SRRM2: variants seen among roughly 807,000 people sequenced by gnomAD.
SRRM2 encodes the protein serine/arginine repetitive matrix 2.
SRRM2 carries 30 observed loss-of-function variants against 213.8 expected under a neutral mutation model. The ratio of observed to expected loss-of-function variants is 0.14; its 90% confidence interval spans 0.10 to 0.19. The LOEUF is 0.19. Ranked by LOEUF, SRRM2 falls within the 10% of genes least tolerant of loss-of-function variation. SRRM2 has a pLI of 1.00. For synonymous variants in SRRM2, 2,025 were observed against 1,377.7 expected (o/e 1.47, Z -10.40); for missense variants, 4,904 against 3,647.0 (o/e 1.34, Z -8.88).
In SRRM2 at chr16:2,761,957, C is replaced by A. The variant is rs911450633; in HGVS notation, c.1429C>A (p.Pro477Thr). Residue 477 changes from proline to threonine, a missense_variant, in exon 11 of 15, where the codon CCC becomes ACC. Coordinates refer to ENST00000301740, the MANE Select transcript of SRRM2 (RefSeq NM_016333.4). Reference sequence around the variant, plus strand: ...ACGGGATAAATCACATTCTCATACCCCCTCCCGTAGGATGGGGAGGTCCCG... The same window carrying A: ...ACGGGATAAATCACATTCTCATACCACCTCCCGTAGGATGGGGAGGTCCCG... ...AKRDKSHSHT[P>T]SRRMGRSRSP... 1.9e-6 allele frequency: 3 copies of A among 1,613,984 alleles called. No individual in the cohort carries two copies. Among genetic ancestry groups the A allele is most frequent in the Admixed American group, 3.3e-5 (2 of 60,008 alleles).
chr16:2,766,842 C>T lies in SRRM2; in HGVS notation c.6314C>T (p.Pro2105Leu), dbSNP rs1187763612. 2 of 1,614,204 alleles carry T rather than the reference C, an allele frequency of 1.2e-6. No individual in the cohort carries two copies. The highest frequency in any genetic ancestry group is 1.7e-5 in the Admixed American group (1 of 60,020). The change falls in exon 11 of 15, where the codon CCT (proline) becomes CTT (leucine). Residue 2105 changes from proline to leucine, a missense_variant. Pro to Leu is a moderately conservative substitution (Grantham distance 98). Transcript: ENST00000301740. The surrounding 1 kb of genome is among the most constrained non-coding windows in gnomAD (Gnocchi z 7.0). ...AGAAATCATTCTGGTTCACGGACAC[C>T]TCCAGTAGCACTCAACAGTTCCAGA... ...ATRNHSGSRT[P>L]PVALNSSRMS... is the part of the protein sequence containing the mutation.
Position 2,765,742 on chromosome 16 carries a change from A to G in SRRM2, c.5214A>G (p.Lys1738=), listed in dbSNP as rs2150778154. Residue 1738 remains lysine, a synonymous_variant, in exon 11 of 15, where the codon AAA becomes AAG. Coordinates refer to ENST00000301740, the MANE Select transcript of SRRM2 (RefSeq NM_016333.4). ...PSVSSPEPAE[K]SRSSRRRRSA... is the part of the protein sequence containing the mutation. ...TGTCTTCCCCGGAGCCAGCCGAAAA[A>G]TCGAGGTCTTCACGCCGACGGCGCT... 6.2e-7 allele frequency: 1 copy of G among 1,614,076 alleles called. No individual in the cohort carries two copies. The highest frequency in any genetic ancestry group is 1.6e-4 in the Middle Eastern group (1 of 6,062).
chr16:2,765,661 A>G lies in SRRM2; in HGVS notation c.5133A>G (p.Ser1711=). Residue 1711 remains serine (S), a synonymous_variant, in exon 11 of 15, where the codon TCA becomes TCG. Coordinates refer to ENST00000301740, the MANE Select transcript of SRRM2 (RefSeq NM_016333.4). The part of the protein sequence containing the change: ...ARLSRRSRSA[S]SSPETRSRTP... The stretch of plus-strand genomic sequence containing the variant: ...TGTCCCGTAGAAGCCGCTCTGCCTC[A>G]TCCTCACCAGAAACTCGCTCTAGAA... 6.2e-7 allele frequency: 1 copy of G among 1,614,098 alleles called. No individual in the cohort carries two copies.
At chr16:2,757,650 C>T in intron 3 of SRRM2, 71 bp downstream of exon 3, 2 of 1,582,708 alleles carry the variant, frequency 1.3e-6, no homozygotes, top group African/African-American at 1.4e-5. Flanking sequence ...CTGTCCTTTT[C>T]CTTACGTGGG....
chr16:2,768,769 T>C, intron 11 of SRRM2: 2 of 822,762 alleles, frequency 2.4e-6, no homozygotes, highest in Non-Finnish European at 4.0e-6. Flanking sequence ...ATTCTTGAGG[T>C]TTAACCTTGA....
chr16:2,764,671 C>A lies in SRRM2; in HGVS notation c.4143C>A (p.His1381Gln). The A allele has an allele frequency of 6.2e-7, 1 of 1,614,130 alleles. No individual in the cohort carries two copies. The highest frequency in any genetic ancestry group is 8.5e-7 in the Non-Finnish European group (1 of 1,180,042). The change falls in exon 11 of 15, where the codon CAC becomes CAA. Residue 1381 changes from histidine (H) to glutamine (Q), a missense_variant. Coordinates refer to ENST00000301740, the MANE Select transcript of SRRM2 (RefSeq NM_016333.4). ...AACAATCGACAAGATCCTCTGGACACAGCAGTTCTGAGTTATCCCCAGATG... is the reference window on the plus strand; with the variant it reads ...AACAATCGACAAGATCCTCTGGACAAAGCAGTTCTGAGTTATCCCCAGATG... Reference protein sequence around the residue: ...MKEQSTRSSGHSSSELSPDAV... With the variant: ...MKEQSTRSSGQSSSELSPDAV...
At position 2,763,427 on chromosome 16, in the gene SRRM2, T is replaced by C. The variant is rs769439964; in HGVS notation, c.2899T>C (p.Tyr967His). 1 of 1,614,140 alleles carries C rather than the reference T, an allele frequency of 6.2e-7. No homozygotes were observed. Among genetic ancestry groups the C allele is most frequent in the Non-Finnish European group, 8.5e-7 (1 of 1,180,014 alleles). The change falls in exon 11 of 15, where the codon TAC becomes CAC. Residue 967 changes from tyrosine (Y) to histidine (H), a missense_variant. Coordinates refer to ENST00000301740, the MANE Select transcript of SRRM2 (RefSeq NM_016333.4). ...SNVESRLLPRYSHSGSSSPDT... is the reference protein window; with the variant it reads ...SNVESRLLPRHSHSGSSSPDT... Reference sequence around the variant, plus strand: ...TGTGGAATCCAGATTGTTGCCAAGATACAGTCATTCTGGGTCCTCCTCACC... The same window carrying C: ...TGTGGAATCCAGATTGTTGCCAAGACACAGTCATTCTGGGTCCTCCTCACC...
intron 13 of SRRM2, 43 bp from the exon 14 acceptor site, chr16:2,770,561 A>C (rs1251693994): frequency 2.6e-6 from 4 of 1,550,988 alleles, no homozygotes; most frequent in South Asian, 2.4e-5. Flanking sequence ...GTGGTGCCTG[A>C]GGTGGTGCCA....
intron 4 of SRRM2, 125 bp downstream of exon 4, chr16:2,758,070 G>A (rs770840602): frequency 1.4e-5 from 18 of 1,278,884 alleles, no homozygotes; most frequent in Non-Finnish European, 1.9e-5. Context: ...TGAAGTTGAG[G>A]TGTCCAAAAA....
At chr16:2,753,638 G>C (rs147869999) in intron 1 of SRRM2, 4 of 152,300 alleles carry the variant, frequency 2.6e-5, no homozygotes, top group Non-Finnish European at 4.4e-5. Flanking sequence ...TCATATATAA[G>C]TTTTCTGGTT....
In SRRM2 at chr16:2,759,185, T is replaced by C. The variant is rs2068250750; in HGVS notation, c.689+13T>C. 6.2e-7 allele frequency: 1 copy of C among 1,614,060 alleles called. No individual in the cohort carries two copies. The highest frequency in any genetic ancestry group is 2.2e-5 in the East Asian group (1 of 44,894). On this transcript the variant is annotated intron_variant, in intron 7 of 14. Transcript: ENST00000301740. ...AACGTAAGCATAGGTAAGAGCTCTTTAACTCATAGGGGGCGCAGTGGCATG... is the reference window on the plus strand; with the variant it reads ...AACGTAAGCATAGGTAAGAGCTCTTCAACTCATAGGGGGCGCAGTGGCATG...
At chr16:2,758,440 C>A in intron 4 of SRRM2, 30 bp from the exon 5 acceptor site, 2 of 1,555,618 alleles carry the variant, frequency 1.3e-6, no homozygotes, top group Non-Finnish European at 1.8e-6. Context: ...GTTCTACCAC[C>A]CATCTCTGCT....
At chr16:2,758,584 A>G in intron 5 of SRRM2, 37 bp downstream of exon 5, 2 of 1,577,182 alleles carry the variant, frequency 1.3e-6, no homozygotes, top group Non-Finnish European at 1.7e-6. Context: ...TAGCCAGAGG[A>G]CCAATCCTGT....
rs769714631 is a variant in SRRM2, at chr16:2,766,263, G to C, written c.5735G>C (p.Arg1912Pro). The change falls in exon 11 of 15, where the codon CGG becomes CCG. Residue 1912 changes from arginine (R) to proline (P), a missense_variant. By Grantham distance (103) the Arg-to-Pro change is moderately radical. Transcript: ENST00000301740. The surrounding 1 kb of genome is among the most constrained non-coding windows in gnomAD (Gnocchi z 7.0). ...SRTSVTRRRS[R>P]SRASPVSRRR... The stretch of plus-strand genomic sequence containing the variant: ...ACTTCAGTGACTCGACGAAGATCCC[G>C]GTCAAGAGCATCCCCAGTGAGCAGA... 1 of 1,614,132 alleles carries C rather than the reference G, an allele frequency of 6.2e-7. No homozygotes were observed. Among genetic ancestry groups the C allele is most frequent in the South Asian group, 1.1e-5 (1 of 91,074 alleles).
At position 2,770,588 on chromosome 16, in the gene SRRM2, C is replaced by A. The variant is rs966889812; in HGVS notation, c.8136-16C>A. 6 of 1,552,884 alleles carry A rather than the reference C, an allele frequency of 3.9e-6. No individual in the cohort carries two copies. The highest frequency in any genetic ancestry group is 3.9e-5 in the Admixed American group (2 of 51,272). Reference sequence around the variant, plus strand: ...GTGGTGCCACCCTGTGGCCTGATGTCTGTCCTGTGTTGCAGCAGCAGCAGT... The same window carrying A: ...GTGGTGCCACCCTGTGGCCTGATGTATGTCCTGTGTTGCAGCAGCAGCAGT... On this transcript the variant is annotated splice_polypyrimidine_tract_variant and intron_variant, in intron 13 of 14. Coordinates refer to ENST00000301740, the MANE Select transcript of SRRM2 (RefSeq NM_016333.4).
Position 2,764,208 on chromosome 16 carries a change from G to C in SRRM2, c.3680G>C (p.Ser1227Thr). 6.2e-7 allele frequency: 1 copy of C among 1,614,212 alleles called. No individual in the cohort carries two copies. Among genetic ancestry groups the C allele is most frequent in the Non-Finnish European group, 8.5e-7 (1 of 1,180,048 alleles). ...GSSPETKEQN[S>T]ALPTSSQDEE... ...TCTCCAGAAACAAAAGAGCAAAATA[G>C]TGCATTGCCTACGTCAAGCCAAGAT... Residue 1227 changes from serine to threonine, a missense_variant, in exon 11 of 15, where the codon AGT becomes ACT. Physicochemically the swap from Ser to Thr is moderately conservative, Grantham distance 58. Transcript: ENST00000301740.
rs2068417787 is a variant in SRRM2, at chr16:2,763,064, T to A, written c.2536T>A (p.Ser846Thr). The change falls in exon 11 of 15, where the codon TCT becomes ACT. Residue 846 changes from serine (S) to threonine (T), a missense_variant. Coordinates refer to ENST00000301740, the MANE Select transcript of SRRM2 (RefSeq NM_016333.4). The part of the protein sequence containing the change: ...SSSSPHPKVK[S>T]GTPPRQGSIT... ...TTCATCTCCTCATCCTAAAGTGAAA[T>A]CTGGAACACCACCGAGGCAAGGGTC... 6.2e-7 allele frequency: 1 copy of A among 1,613,758 alleles called. No individual in the cohort carries two copies. Among genetic ancestry groups the A allele is most frequent in the African/African-American group, 1.3e-5 (1 of 74,802 alleles).
intron 8 of SRRM2, 22 bp downstream of exon 8, chr16:2,759,424 T>C (rs755953001): frequency 6.3e-7 from 1 of 1,593,214 alleles, no homozygotes. Flanking sequence ...TGTGGGGAAT[T>C]TGCTTAGGAA....
In SRRM2 at chr16:2,770,679, G is replaced by A. The variant is rs1481762258; in HGVS notation, c.8211G>A (p.Glu2737=). ...CCCCCAGCCACAAGCGCAGGAGGGA[G>A]ACACCTAGCCCTCGGCCCATGAGAC... ...SRSPSHKRRR[E]TPSPRPMRHR... The change falls in exon 14 of 15, where the codon GAG becomes GAA. Residue 2737 remains glutamate, a synonymous_variant. Coordinates refer to ENST00000301740, the MANE Select transcript of SRRM2 (RefSeq NM_016333.4). 5.1e-6 allele frequency: 8 copies of A among 1,556,156 alleles called. No homozygotes were observed. The highest frequency in any genetic ancestry group is 1.9e-5 in the Admixed American group (1 of 51,620).
Sources: allele counts gnomAD v4.1 joint callset, GRCh38; gene constraint gnomAD v4.1.1; non-coding constraint Gnocchi (gnomAD v3.1); transcripts MANE v1.5; gene names NCBI Gene and HGNC (gene_info 2026-07-23, HGNC 2026-07-21).